The following ONECUT2 variants were observed in gnomAD, a reference collection of about 807,000 sequenced individuals.
ONECUT2 encodes one cut homeobox 2.
In ONECUT2, 10 loss-of-function variants were observed where a neutral mutation model predicts 27.9. The ratio of observed to expected loss-of-function variants is 0.36; its 90% CI spans 0.22 to 0.61. The LOEUF is 0.61. ONECUT2 is among the 20% of genes least tolerant of loss of function. The pLI is 0.73. For synonymous variants in ONECUT2, 334 were observed against 315.1 expected (o/e 1.06, Z -0.64); for missense variants, 686 against 721.0 (o/e 0.95, Z 0.56).
At chr18:57,464,158 G>T (rs1453055170) in intron 1 of ONECUT2, among the ~76,000 whole-genome samples, 1 of 152,012 alleles carries the variant, frequency 6.6e-6, no homozygotes, top group Middle Eastern at 3.2e-3. Flanking sequence ...CTGTACCTTG[G>T]TATCATTAAT....
chr18:57,443,485 G>A (rs977890649), intron 1 of ONECUT2, among the ~76,000 whole-genome samples: 1 of 152,152 alleles, frequency 6.6e-6, no homozygotes, highest in African/African-American at 2.4e-5. Context: ...CAGGTATAGA[G>A]CTCCGTCAGG....
rs773840752 is a variant in ONECUT2, at chr18:57,436,057, T to C, written c.341T>C (p.Leu114Pro). Residue 114 changes from leucine to proline, a missense_variant, in exon 1 of 2, where the codon CTG becomes CCG. By Grantham distance (98) the Leu-to-Pro change is moderately conservative (BLOSUM62 -3). Transcript: ENST00000491143. This position sits in a 1 kb window ranked among gnomAD's most constrained non-coding sequence, Gnocchi z 5.9. ...ATGGTCACCAGCATGGCCTCGATCCTGGACGGCGGCGACTACCGGCCCGAG... is the reference window on the plus strand; with the variant it reads ...ATGGTCACCAGCATGGCCTCGATCCCGGACGGCGGCGACTACCGGCCCGAG... ...SAMVTSMASILDGGDYRPELS... is the reference protein window; with the variant it reads ...SAMVTSMASIPDGGDYRPELS... 3 of 1,593,962 alleles carry C rather than the reference T, an allele frequency of 1.9e-6. No homozygotes were observed. Among genetic ancestry groups the C allele is most frequent in the African/African-American group, 1.3e-5 (1 of 74,886 alleles).
intron 1 of ONECUT2, among the ~76,000 whole-genome samples, chr18:57,464,055 G>A (rs903350572): frequency 6.6e-6 from 1 of 150,874 alleles, no homozygotes; most frequent in African/African-American, 2.4e-5. Flanking sequence ...GGCTGAAGAC[G>A]CTGTTAAGTA....
rs903745272 is a variant in ONECUT2, at chr18:57,485,768, T to C, written c.*9045T>C. 3.3e-5 allele frequency: 5 copies of C among 152,186 alleles called. No individual in the cohort carries two copies. Among genetic ancestry groups the C allele is most frequent in the African/African-American group, 1.2e-4 (5 of 41,444 alleles). The allele number at this position is 152,186 out of a possible 1,614,324, so 9.4% of individuals were successfully genotyped here. A position where few individuals can be genotyped will look rare whatever the true frequency, so the allele number is the denominator to read the frequency against. ...ACAAAGCATAGCTAGTAGAGGAATA[T>C]AAATGACAGATTGACAAACTGTAGG... On this transcript the variant is annotated 3_prime_UTR_variant, in exon 2 of 2. Transcript: ENST00000491143.
In ONECUT2 at chr18:57,435,845, C is replaced by CGGCGGG. The variant is rs1555672988; in HGVS notation, c.134_135insGGGCGG (p.Gly53_Gly54dup). The CGGCGGG allele has an allele frequency of 1.7e-5, 17 of 974,334 alleles. No individual in the cohort carries two copies. In the African/African-American group the frequency reaches 3.1e-4, roughly 18 times the overall value. 60.4% of individuals were successfully genotyped at this position (974,334 alleles called of 1,614,324 possible). A position where few individuals can be genotyped will look rare whatever the true frequency, so the allele number is the denominator to read the frequency against. ...CGGCCGGCGGCGGCAGTGGCGGGGG[C>CGGCGGG]GGCGGCGGGGGCGGCGGGGGCGGCG... On this transcript the variant is annotated inframe_insertion, in exon 1 of 2. Transcript: ENST00000491143.
At chr18:57,446,765 G>C (rs2050202124) in intron 1 of ONECUT2, among the ~76,000 whole-genome samples, 1 of 152,186 alleles carries the variant, frequency 6.6e-6, no homozygotes, top group Non-Finnish European at 1.5e-5. Context: ...CAGTTCTGCT[G>C]TCATAGGTGA....
At chr18:57,472,763 T>A (rs775489128) in intron 1 of ONECUT2, among the ~76,000 whole-genome samples, 2 of 152,166 alleles carry the variant, frequency 1.3e-5, no homozygotes, top group African/African-American at 4.8e-5. Flanking sequence ...GACAAGCCAA[T>A]GTGGACCTGT....
At chr18:57,452,905 T>C (rs1037643080) in intron 1 of ONECUT2, among the ~76,000 whole-genome samples, 5 of 152,308 alleles carry the variant, frequency 3.3e-5, no homozygotes, top group Non-Finnish European at 7.4e-5. Context: ...CTGCTTAGGG[T>C]TTACCAATGA....
At position 57,436,998 on chromosome 18, in the gene ONECUT2, G is replaced by A. The variant is rs530013813; in HGVS notation, c.1228+54G>A. 30 of 1,516,036 alleles carry A rather than the reference G, an allele frequency of 2.0e-5. No individual in the cohort carries two copies. The South Asian group carries it at 3.6e-4, about 18-fold the overall frequency. 93.9% of individuals were successfully genotyped at this position (1,516,036 alleles called of 1,614,324 possible). Reference sequence around the variant, plus strand: ...CTGCTGGGAAGAGGGCTCCGGGTCCGGTGCTTGTGGCCCAAGTCTGCGCGC... The same window carrying A: ...CTGCTGGGAAGAGGGCTCCGGGTCCAGTGCTTGTGGCCCAAGTCTGCGCGC... On this transcript the variant is annotated intron_variant, in intron 1 of 1. Transcript: ENST00000491143. This position sits in a 1 kb window ranked among gnomAD's most constrained non-coding sequence, Gnocchi z 5.9.
intron 1 of ONECUT2, among the ~76,000 whole-genome samples, chr18:57,472,838 T>C (rs1220068412): frequency 6.6e-6 from 1 of 152,164 alleles, no homozygotes; most frequent in Non-Finnish European, 1.5e-5. Context: ...ATAATCAATA[T>C]TGGTATGAAA....
At chr18:57,463,843 G>A (rs149584564) in intron 1 of ONECUT2, among the ~76,000 whole-genome samples, 1 of 152,094 alleles carries the variant, frequency 6.6e-6, no homozygotes, top group Non-Finnish European at 1.5e-5. Context: ...AATTCTAACA[G>A]TTCATTGTGT....
At chr18:57,440,992 G>A (rs528043772) in intron 1 of ONECUT2, among the ~76,000 whole-genome samples, 74 of 152,298 alleles carry the variant, frequency 4.9e-4, no homozygotes, top group African/African-American at 1.7e-3. Context: ...GTCAAGTCCC[G>A]GGTGCCGGGA....
intron 1 of ONECUT2, among the ~76,000 whole-genome samples, chr18:57,446,663 T>G (rs1279342906): frequency 6.6e-6 from 1 of 152,224 alleles, no homozygotes; most frequent in Non-Finnish European, 1.5e-5. Flanking sequence ...CATGCAAGCA[T>G]TATCTTCCTA....
In ONECUT2 at chr18:57,436,065, G is replaced by A; in HGVS notation, c.349G>A (p.Gly117Ser). 2 of 1,595,552 alleles carry A rather than the reference G, an allele frequency of 1.3e-6. No individual in the cohort carries two copies. The highest frequency in any genetic ancestry group is 1.1e-5 in the South Asian group (1 of 90,760). ...CAGCATGGCCTCGATCCTGGACGGC[G>A]GCGACTACCGGCCCGAGCTCTCCAT... ...VTSMASILDGGDYRPELSIPL... is the reference protein window; with the variant it reads ...VTSMASILDGSDYRPELSIPL... Residue 117 changes from glycine to serine, a missense_variant, in exon 1 of 2, where the codon GGC (glycine) becomes AGC (serine). This residue lies in a region of ONECUT2 where 511 missense variants were observed against 488.1 expected (regional missense o/e 1.05). Transcript: ENST00000491143. This position sits in a 1 kb window ranked among gnomAD's most constrained non-coding sequence, Gnocchi z 5.9.
Position 57,482,098 on chromosome 18 carries a change from A to G in ONECUT2, c.*5375A>G, listed in dbSNP as rs2050418921. 6.6e-6 allele frequency: 1 copy of G among 152,206 alleles called. No individual in the cohort carries two copies. Among genetic ancestry groups the G allele is most frequent in the African/African-American group, 2.4e-5 (1 of 41,448 alleles). The allele number at this position is 152,206 out of a possible 1,614,324, so 9.4% of individuals were successfully genotyped here. A position where few individuals can be genotyped will look rare whatever the true frequency, so the allele number is the denominator to read the frequency against. ...TGAAACAACAGGAGATTCTAGTTTT[A>G]AAATAAGGCCACAAAAATCCTTACG... On this transcript the variant is annotated 3_prime_UTR_variant, in exon 2 of 2. Coordinates refer to ENST00000491143, the MANE Select transcript of ONECUT2 (RefSeq NM_004852.3).
chr18:57,460,414 C>T (rs2050283827), intron 1 of ONECUT2, among the ~76,000 whole-genome samples: 1 of 152,048 alleles, frequency 6.6e-6, no homozygotes, highest in Non-Finnish European at 1.5e-5. Flanking sequence ...ATTATATTCC[C>T]TTATGTACTT....
chr18:57,440,144 G>A (rs2050166278), intron 1 of ONECUT2, among the ~76,000 whole-genome samples: 1 of 152,268 alleles, frequency 6.6e-6, no homozygotes, highest in South Asian at 2.1e-4. Flanking sequence ...TAAGTGGCAG[G>A]TGGTTGCAAC....
Position 57,482,162 on chromosome 18 carries a change from A to G in ONECUT2, c.*5439A>G, listed in dbSNP as rs1002478645. The G allele has an allele frequency of 1.3e-5, 2 of 152,216 alleles. No individual in the cohort carries two copies. The highest frequency in any genetic ancestry group is 1.3e-4 in the Admixed American group (2 of 15,286). The allele number at this position is 152,216 out of a possible 1,614,324, so 9.4% of individuals were successfully genotyped here. ...CACCCCAGTTGGTTGTATAAGTCTC[A>G]TAAGATAATGATGTTGATTTTAAAT... On this transcript the variant is annotated 3_prime_UTR_variant, in exon 2 of 2. Coordinates refer to ENST00000491143, the MANE Select transcript of ONECUT2 (RefSeq NM_004852.3).
At chr18:57,472,369 G>A (rs1382419533) in intron 1 of ONECUT2, among the ~76,000 whole-genome samples, 1 of 152,164 alleles carries the variant, frequency 6.6e-6, no homozygotes, top group Non-Finnish European at 1.5e-5. Context: ...CATTGGATCT[G>A]TCTCCTTTTT....
Sources: gnomAD v4.1 joint callset for allele counts (sites outside exome capture counted in the v4.1 genomes callset) on GRCh38, gnomAD v4.1.1 for gene constraint, gnomAD v4.1.1 regional missense constraint, Gnocchi (gnomAD v3.1) non-coding constraint, MANE v1.5 for transcripts, NCBI Gene and HGNC (gene_info 2026-07-23, HGNC 2026-07-21) for gene names.